Variants in CD244 observed in about 807,000 individuals in gnomAD.
CD244 encodes natural killer cell receptor 2B4.
A neutral mutation model predicts 45.5 loss-of-function variants in CD244; 20 were observed. That is an observed-to-expected ratio of 0.44 (90% CI 0.31 to 0.64). The LOEUF (loss-of-function observed/expected upper bound fraction) is 0.64. Among genes scored for constraint, CD244 ranks in the 30% least tolerant of loss-of-function variants. The probability of loss-of-function intolerance (pLI) is 0.08; values close to 1 mark genes in which losing one functional copy is unlikely to be tolerated. For synonymous variants in CD244, 185 were observed against 160.5 expected (o/e 1.15, Z -1.15); for missense variants, 407 against 426.9 (o/e 0.95, Z 0.41).
intron 1 of CD244, among the ~76,000 whole-genome samples, chr1:160,857,880 C>T (rs1381364325): frequency 6.6e-6 from 1 of 151,880 alleles, no homozygotes; most frequent in Non-Finnish European, 1.5e-5. Flanking sequence ...AACCCCATCT[C>T]TACACAAAAA....
Position 160,831,152 on chromosome 1 carries a change from AAGATATTATT to A in CD244, c.*185_*194del. The A allele has an allele frequency of 9.5e-6, 5 of 528,658 alleles. No homozygotes were observed. Among genetic ancestry groups the A allele is most frequent in the Non-Finnish European group, 1.7e-5 (5 of 294,800 alleles). The allele number at this position is 528,658 out of a possible 1,614,324, so 32.7% of individuals were successfully genotyped here. ...CATTCATGTCTGATCTGTAAATTGG[AAGATATTATT>A]TAACAGCCTTGCTCTTATCATGGTT... is the stretch of plus-strand genomic sequence containing the variant. On this transcript the variant is annotated 3_prime_UTR_variant, in exon 9 of 9. Coordinates refer to ENST00000368034, the MANE Select transcript of CD244 (RefSeq NM_016382.4).
intron 3 of CD244, among the ~76,000 whole-genome samples, chr1:160,839,791 C>A (rs894918334): frequency 6.6e-6 from 1 of 152,182 alleles, no homozygotes; most frequent in African/African-American, 2.4e-5. Flanking sequence ...ACAAATGTTA[C>A]ATTTATCCAT....
chr1:160,832,487 A>G, intron 8 of CD244, 32 bp downstream of exon 8: 3 of 1,382,382 alleles, frequency 2.2e-6, no homozygotes, highest in Non-Finnish European at 3.0e-6. Context: ...TGCAACAGAC[A>G]GTAAACCCAT....
At chr1:160,837,904 C>A (rs937981127) in intron 5 of CD244, among the ~76,000 whole-genome samples, 5 of 152,212 alleles carry the variant, frequency 3.3e-5, no homozygotes, top group African/African-American at 1.2e-4. Flanking sequence ...GAAGAGCAGG[C>A]GAGAGGCTCC....
rs1669105834 is a variant in CD244, at chr1:160,831,333, A to G, written c.*14T>C. On this transcript the variant is annotated 3_prime_UTR_variant, in exon 9 of 9. Coordinates refer to ENST00000368034, the MANE Select transcript of CD244 (RefSeq NM_016382.4). Reference sequence around the variant, plus strand: ...GATGCTGATGTGCAAGAAAGGTGAGAATTGCTGCAGCAACTAGGAATAAAC... The same window carrying G: ...GATGCTGATGTGCAAGAAAGGTGAGGATTGCTGCAGCAACTAGGAATAAAC... 5.6e-6 allele frequency: 9 copies of G among 1,607,604 alleles called. No homozygotes were observed. The highest frequency in any genetic ancestry group is 6.8e-6 in the Non-Finnish European group (8 of 1,174,114).
At chr1:160,842,490 G>A (rs1040891846) in intron 1 of CD244, among the ~76,000 whole-genome samples, 4 of 152,020 alleles carry the variant, frequency 2.6e-5, no homozygotes, top group African/African-American at 7.2e-5. Flanking sequence ...CACATCTAAG[G>A]TGACTCCCTC....
chr1:160,832,848 A>T, intron 7 of CD244: 1 of 357,792 alleles, frequency 2.8e-6, no homozygotes, highest in Non-Finnish European at 5.3e-6. Flanking sequence ...CCTAAAACCC[A>T]TACACATATG....
Position 160,851,058 on chromosome 1 carries a change from A to G in CD244, c.62-9157T>C, listed in dbSNP as rs572923816. Among the ~76,000 whole-genome samples the G allele has an allele frequency of 1.2e-3, 188 of 152,336 alleles. 4 individuals are homozygous for G. The South Asian group carries it at 0.027, about 22-fold the overall frequency. ...TAGGACAAGGTGTAGGGGAAGGGAT[A>G]CAGAGTTTCCATGCCTTCCCAGGGC... is the stretch of plus-strand genomic sequence containing the variant. On this transcript the variant is annotated intron_variant, in intron 1 of 8. Transcript: ENST00000368034.
chr1:160,832,013 C>T (rs758122466), intron 8 of CD244, among the ~76,000 whole-genome samples: 1 of 152,180 alleles, frequency 6.6e-6, no homozygotes, highest in South Asian at 2.1e-4. Context: ...AATGTTGAGT[C>T]CCTCCTTTCC....
Position 160,841,501 on chromosome 1 carries a change from C to A in CD244, c.380-16G>T, listed in dbSNP as rs374641198. On this transcript the variant is annotated splice_polypyrimidine_tract_variant and intron_variant, in intron 2 of 8. Transcript: ENST00000368034. ...TCAACTTTATCTGGAAGCAGAGATT[C>A]TGATCAGAAAGGCATTGGAAATACA... 19 of 1,613,816 alleles carry A rather than the reference C, an allele frequency of 1.2e-5. No homozygotes were observed. The highest frequency in any genetic ancestry group is 1.6e-5 in the Non-Finnish European group (19 of 1,179,884).
Position 160,831,315 on chromosome 1 carries a change from A to G in CD244, c.*32T>C, listed in dbSNP as rs370998164. ...GTGCCAATTCCCAAAGCAGATGCTGATGTGCAAGAAAGGTGAGAATTGCTG... is the reference window on the plus strand; with the variant it reads ...GTGCCAATTCCCAAAGCAGATGCTGGTGTGCAAGAAAGGTGAGAATTGCTG... On this transcript the variant is annotated 3_prime_UTR_variant, in exon 9 of 9. Transcript: ENST00000368034. 9 of 1,547,914 alleles carry G rather than the reference A, an allele frequency of 5.8e-6. No homozygotes were observed. In the East Asian group the frequency reaches 6.7e-5, roughly 12 times the overall value.
chr1:160,839,731 G>A (rs773293509), intron 3 of CD244, among the ~76,000 whole-genome samples: 28 of 152,168 alleles, frequency 1.8e-4, no homozygotes, highest in South Asian at 4.2e-4. Context: ...GTGGTTGCGA[G>A]GTGGGTCCTG....
intron 1 of CD244, among the ~76,000 whole-genome samples, chr1:160,855,393 G>A (rs1446661680): frequency 6.6e-6 from 1 of 152,194 alleles, no homozygotes; most frequent in Admixed American, 6.5e-5. Flanking sequence ...GAAGGAGGAA[G>A]ATGGTTGGAA....
chr1:160,833,962 G>T (rs1405639390), intron 7 of CD244, 89 bp downstream of exon 7: 3 of 898,198 alleles, frequency 3.3e-6, no homozygotes, highest in Admixed American at 1.8e-5. Flanking sequence ...CAACTTGCCA[G>T]GATGTGCACA....
chr1:160,837,016 T>G (rs866709138), intron 5 of CD244, among the ~76,000 whole-genome samples: 21 of 152,230 alleles, frequency 1.4e-4, no homozygotes, highest in African/African-American at 3.9e-4. Flanking sequence ...TGTTTTAAAA[T>G]ACTGCAGGAG....
intron 5 of CD244, among the ~76,000 whole-genome samples, chr1:160,837,499 G>A (rs560403836): frequency 6.6e-6 from 1 of 152,044 alleles, no homozygotes; most frequent in Non-Finnish European, 1.5e-5. Context: ...AATAAATAAA[G>A]ATAAAAATAA....
intron 1 of CD244, among the ~76,000 whole-genome samples, chr1:160,861,546 C>T (rs1458074342): frequency 6.6e-6 from 1 of 152,120 alleles, no homozygotes; most frequent in Non-Finnish European, 1.5e-5. Flanking sequence ...AATGCAGAAC[C>T]CTGGCTGGGC....
At chr1:160,838,712 C>T (rs1669419573) in intron 4 of CD244, 194 bp from the exon 5 acceptor site, 1 of 618,946 alleles carries the variant, frequency 1.6e-6, no homozygotes, top group African/African-American at 1.8e-5. Flanking sequence ...CACCTCCTCC[C>T]AAACCAGCTG....
chr1:160,836,248 C>T lies in CD244; in HGVS notation c.841G>A (p.Glu281Lys), dbSNP rs781292774. The change falls in exon 6 of 9, where the codon GAG becomes AAG. Residue 281 changes from glutamate to lysine, a missense_variant. By Grantham distance (56) the Glu-to-Lys change is moderately conservative (BLOSUM62 1). Transcript: ENST00000368034. ...DLKTRRNHEQ[E>K]QTFPGGGSTI... ...CTCCCCCCTCCAGGAAAAGTCTGCT[C>T]CTGCTCCTGCACAAGAAATGGAGAT... 2 of 1,613,134 alleles carry T rather than the reference C, an allele frequency of 1.2e-6. No homozygotes were observed. Among genetic ancestry groups the T allele is most frequent in the Non-Finnish European group, 1.7e-6 (2 of 1,179,272 alleles).
Sources: gnomAD v4.1 joint callset for allele counts (sites outside exome capture counted in the v4.1 genomes callset) on GRCh38, gnomAD v4.1.1 for gene constraint, MANE v1.5 for transcripts, NCBI Gene and HGNC (gene_info 2026-07-23, HGNC 2026-07-21) for gene names.